ARHGAP15: variants seen among roughly 807,000 people sequenced by gnomAD.
ARHGAP15 encodes Rho GTPase activating protein 15.
A neutral mutation model predicts 63.7 loss-of-function variants in ARHGAP15; 51 were observed. That is an observed-to-expected ratio of 0.80 (90% confidence interval 0.64 to 1.01). The LOEUF (loss-of-function observed/expected upper bound fraction) is 1.01. ARHGAP15 is among the 50% of genes least tolerant of loss of function. The pLI is 0.00. For missense variants in ARHGAP15, 560 were observed against 564.6 expected (o/e 0.99, Z 0.08); for synonymous variants, 191 against 193.8 (o/e 0.99, Z 0.12).
intron 2 of ARHGAP15, among the ~76,000 whole-genome samples, chr2:143,187,928 C>T (rs1691512398): frequency 6.6e-6 from 1 of 152,130 alleles, no homozygotes; most frequent in Non-Finnish European, 1.5e-5. Flanking sequence ...TAAAGTTATA[C>T]ATGAAGTTAA....
At chr2:143,568,864 G>A (rs1696338937) in intron 11 of ARHGAP15, among the ~76,000 whole-genome samples, 1 of 152,144 alleles carries the variant, frequency 6.6e-6, no homozygotes, top group Non-Finnish European at 1.5e-5. Context: ...TCCTTTGCAG[G>A]GACATGGATG....
rs1401150787 is a variant in ARHGAP15, at chr2:143,763,644, C to CAAATTGTATATATAT, written c.1245-4339_1245-4338insTATATATATAAATTG. Among the ~76,000 whole-genome samples the CAAATTGTATATATAT allele has an allele frequency of 6.7e-5, 10 of 149,342 alleles. 1 individual carries two copies. The highest frequency in any genetic ancestry group is 2.0e-4 in the African/African-American group (8 of 40,800). On this transcript the variant is annotated intron_variant, in intron 13 of 13. Coordinates refer to ENST00000295095, the MANE Select transcript of ARHGAP15 (RefSeq NM_018460.4). ...ATAAATAATAAATTGCATATATATG[C>CAAATTGTATATATAT]AAATTGCATATATATAAATTGCATA...
intron 6 of ARHGAP15, among the ~76,000 whole-genome samples, chr2:143,289,836 GA>G (rs1318709002): frequency 2.6e-5 from 4 of 152,234 alleles, no homozygotes; most frequent in African/African-American, 9.6e-5. Flanking sequence ...AGAGGAAGAA[GA>G]ATTATTTCAA....
At chr2:143,675,798 G>C (rs1359549209) in intron 12 of ARHGAP15, among the ~76,000 whole-genome samples, 2 of 152,156 alleles carry the variant, frequency 1.3e-5, no homozygotes, top group East Asian at 1.9e-4. Flanking sequence ...TTTTTGGAAT[G>C]GTAAATGAGC....
At chr2:143,525,185 C>T (rs558228544) in intron 10 of ARHGAP15, among the ~76,000 whole-genome samples, 2 of 152,068 alleles carry the variant, frequency 1.3e-5, no homozygotes, top group East Asian at 1.9e-4. Flanking sequence ...GCACTAAAGG[C>T]TGATACTTCC....
At chr2:143,396,152 G>C (rs1363751170) in intron 6 of ARHGAP15, among the ~76,000 whole-genome samples, 1 of 152,052 alleles carries the variant, frequency 6.6e-6, no homozygotes, top group Non-Finnish European at 1.5e-5. Context: ...CTTTACTGAT[G>C]TTCTCATCAA....
chr2:143,392,670 G>A (rs1687584743), intron 6 of ARHGAP15, among the ~76,000 whole-genome samples: 1 of 152,192 alleles, frequency 6.6e-6, no homozygotes, highest in African/African-American at 2.4e-5. Flanking sequence ...GTGAAGTAGA[G>A]ATGGATGAGG....
At chr2:143,140,218 A>C (rs553484041) in intron 1 of ARHGAP15, among the ~76,000 whole-genome samples, 51 of 152,276 alleles carry the variant, frequency 3.3e-4, no homozygotes, top group South Asian at 1.0e-3. Flanking sequence ...TTCTCAATAC[A>C]GCTGTGTGGG....
chr2:143,182,999 T>C (rs767858034), intron 2 of ARHGAP15, among the ~76,000 whole-genome samples: 12 of 152,066 alleles, frequency 7.9e-5, no homozygotes, highest in Non-Finnish European at 1.0e-4. Flanking sequence ...ACTTAACAGA[T>C]TAAGCCAGTA....
chr2:143,387,269 G>A (rs1227884210), intron 6 of ARHGAP15, among the ~76,000 whole-genome samples: 1 of 152,168 alleles, frequency 6.6e-6, no homozygotes, highest in Non-Finnish European at 1.5e-5. Flanking sequence ...GAACATTGAT[G>A]AATGTTGAAT....
chr2:143,300,640 G>A (rs2105150049), intron 6 of ARHGAP15, among the ~76,000 whole-genome samples: 1 of 151,986 alleles, frequency 6.6e-6, no homozygotes, highest in East Asian at 1.9e-4. Context: ...TCCTCCTGAG[G>A]CCTCATCCTT....
chr2:143,667,153 A>C (rs2105339362), intron 12 of ARHGAP15, among the ~76,000 whole-genome samples: 1 of 150,750 alleles, frequency 6.6e-6, no homozygotes, highest in Admixed American at 6.6e-5. Flanking sequence ...CACAATAGCA[A>C]AGACTTGGAA....
At chr2:143,657,911 C>T (rs1013226838) in intron 12 of ARHGAP15, among the ~76,000 whole-genome samples, 7 of 152,222 alleles carry the variant, frequency 4.6e-5, no homozygotes, top group Non-Finnish European at 8.8e-5. Flanking sequence ...TCTGTTCCTT[C>T]AGTTTGGTGT....
chr2:143,465,008 T>C (rs574075846), intron 8 of ARHGAP15, among the ~76,000 whole-genome samples: 1 of 152,280 alleles, frequency 6.6e-6, no homozygotes, highest in African/African-American at 2.4e-5. Context: ...ATGAATAAAA[T>C]TGTTTCACTC....
chr2:143,527,940 A>G (rs569480726), intron 10 of ARHGAP15, among the ~76,000 whole-genome samples: 3 of 152,226 alleles, frequency 2.0e-5, no homozygotes, highest in Admixed American at 6.5e-5. Flanking sequence ...CCACTTTTTA[A>G]ACATTTAAAC....
At chr2:143,322,081 C>T (rs1448650787) in intron 6 of ARHGAP15, among the ~76,000 whole-genome samples, 3 of 96,024 alleles carry the variant, frequency 3.1e-5, no homozygotes, top group Non-Finnish European at 5.4e-5. Context: ...TTTAAAATTT[C>T]TCTCTCCTGC....
chr2:143,214,943 T>A (rs1264076673), intron 3 of ARHGAP15, among the ~76,000 whole-genome samples: 1 of 152,208 alleles, frequency 6.6e-6, no homozygotes, highest in Non-Finnish European at 1.5e-5. Context: ...CAGTTTACTA[T>A]AAATATTTAA....
intron 13 of ARHGAP15, chr2:143,741,209 G>A (rs1460645633): frequency 6.6e-6 from 1 of 152,200 alleles, no homozygotes; most frequent in Non-Finnish European, 1.5e-5. Context: ...CTAATTAGAT[G>A]GCTTTTGTTG....
intron 12 of ARHGAP15, among the ~76,000 whole-genome samples, chr2:143,646,227 G>A (rs13409480): frequency 0.44 from 67,508 of 151,790 alleles, 15,464 homozygotes; most frequent in Middle Eastern, 0.51. Flanking sequence ...CTTCTATTCT[G>A]TTGCTCATGG....
Sources: allele counts gnomAD v4.1 joint callset (sites outside exome capture counted in the v4.1 genomes callset), GRCh38; gene constraint gnomAD v4.1.1; transcripts MANE v1.5; gene names NCBI Gene and HGNC (gene_info 2026-07-23, HGNC 2026-07-21).